Variants in GPC6 observed in about 807,000 individuals in gnomAD.
GPC6 encodes the protein glypican-6.
A neutral mutation model predicts 55.2 loss-of-function variants in GPC6; 14 were observed. That is an observed-to-expected ratio of 0.25 (90% confidence interval 0.17 to 0.40). The LOEUF (loss-of-function observed/expected upper bound fraction) is 0.40, where lower values mean the gene tolerates loss of function less well. Among genes scored for constraint, GPC6 ranks in the 10% least tolerant of loss-of-function variants. GPC6 has a pLI of 1.00. For synonymous variants in GPC6, 278 were observed against 259.6 expected (o/e 1.07, Z -0.68); for missense variants, 641 against 708.5 (o/e 0.90, Z 1.08).
intron 4 of GPC6, among the ~76,000 whole-genome samples, chr13:94,053,978 A>G (rs951235858): frequency 1.3e-5 from 2 of 152,120 alleles, no homozygotes; most frequent in African/African-American, 4.8e-5. Flanking sequence ...AAATTTGGAC[A>G]GGCATGTATT....
intron 1 of GPC6, among the ~76,000 whole-genome samples, chr13:93,252,351 G>A (rs1484092268): frequency 6.6e-6 from 1 of 152,044 alleles, no homozygotes; most frequent in Non-Finnish European, 1.5e-5. Context: ...TTACTTCTAG[G>A]CATTTGCCTT....
chr13:93,962,775 C>T (rs192891085), intron 3 of GPC6, among the ~76,000 whole-genome samples: 10 of 152,214 alleles, frequency 6.6e-5, no homozygotes, highest in African/African-American at 1.2e-4. Flanking sequence ...TAAATATGAT[C>T]GCTTTTTTGC....
chr13:93,878,427 A>T (rs1455716831), intron 3 of GPC6, among the ~76,000 whole-genome samples: 1 of 151,992 alleles, frequency 6.6e-6, no homozygotes, highest in Non-Finnish European at 1.5e-5. Flanking sequence ...TCCAGGCTGG[A>T]GTGCAGTGGC....
At chr13:94,189,651 T>C (rs1433620161) in intron 4 of GPC6, among the ~76,000 whole-genome samples, 5 of 152,192 alleles carry the variant, frequency 3.3e-5, no homozygotes, top group African/African-American at 9.7e-5. Context: ...AATTAAACAA[T>C]TAAAAGAGTA....
intron 2 of GPC6, among the ~76,000 whole-genome samples, chr13:93,733,755 G>C (rs878964619): frequency 6.6e-6 from 1 of 152,010 alleles, no homozygotes; most frequent in Non-Finnish European, 1.5e-5. Context: ...GGCAAGTAAT[G>C]GCAGAAACAC....
chr13:93,475,254 T>C (rs1037942957), intron 1 of GPC6, among the ~76,000 whole-genome samples: 3 of 152,222 alleles, frequency 2.0e-5, no homozygotes, highest in Non-Finnish European at 4.4e-5. Context: ...ATTTAATAAC[T>C]GTAATATAAT....
chr13:93,329,744 G>A (rs1245773733), intron 1 of GPC6, among the ~76,000 whole-genome samples: 5 of 151,904 alleles, frequency 3.3e-5, no homozygotes, highest in Non-Finnish European at 7.4e-5. Context: ...GTGGAAATGA[G>A]TTCCCTAGTG....
At chr13:93,876,638 G>A (rs1392873097) in intron 3 of GPC6, among the ~76,000 whole-genome samples, 1 of 151,878 alleles carries the variant, frequency 6.6e-6, no homozygotes, top group Non-Finnish European at 1.5e-5. Flanking sequence ...GTTGCCCAAA[G>A]GTAATTTTAA....
chr13:93,882,641 G>A (rs1875066128), intron 3 of GPC6, among the ~76,000 whole-genome samples: 1 of 151,872 alleles, frequency 6.6e-6, no homozygotes, highest in Admixed American at 6.6e-5. Context: ...CAAATGCTTA[G>A]AGTTATGTAA....
chr13:94,029,830 C>G (rs1047234771), intron 4 of GPC6, among the ~76,000 whole-genome samples: 1 of 152,144 alleles, frequency 6.6e-6, no homozygotes, highest in East Asian at 1.9e-4. Context: ...AATCCTTATG[C>G]TTTCGATCAA....
chr13:93,370,706 C>G (rs1318538466), intron 1 of GPC6, among the ~76,000 whole-genome samples: 1 of 152,018 alleles, frequency 6.6e-6, no homozygotes, highest in Admixed American at 6.6e-5. Flanking sequence ...GGCAAATTAC[C>G]AGGGATTATG....
At chr13:94,327,933 A>G (rs908568107) in intron 6 of GPC6, among the ~76,000 whole-genome samples, 1 of 152,056 alleles carries the variant, frequency 6.6e-6, no homozygotes, top group Non-Finnish European at 1.5e-5. Context: ...GAGATGGTAA[A>G]CCTGCCTTCT....
At chr13:93,488,625 G>A (rs1429070072) in intron 1 of GPC6, among the ~76,000 whole-genome samples, 2 of 152,138 alleles carry the variant, frequency 1.3e-5, no homozygotes, top group East Asian at 3.9e-4. Flanking sequence ...ATCCTCTCCA[G>A]CACCTGTTGT....
In GPC6 at chr13:93,252,631, T is replaced by C. The variant is rs1214761697; in HGVS notation, c.160+25015T>C. On this transcript the variant is annotated intron_variant, in intron 1 of 8. Coordinates refer to ENST00000377047, the MANE Select transcript of GPC6 (RefSeq NM_005708.5). ...GGTAACTAATCCACTTCTACTCTTATATTTTCTTGTATCATTTAAAATGAG... is the reference window on the plus strand; with the variant it reads ...GGTAACTAATCCACTTCTACTCTTACATTTTCTTGTATCATTTAAAATGAG... Among the ~76,000 whole-genome samples the C allele has an allele frequency of 2.0e-5, 3 of 152,236 alleles. No individual in the cohort carries two copies. In the South Asian group the frequency reaches 6.2e-4, roughly 32 times the overall value.
chr13:94,030,437 G>A (rs1236914667), intron 4 of GPC6, among the ~76,000 whole-genome samples: 1 of 152,066 alleles, frequency 6.6e-6, no homozygotes, highest in Non-Finnish European at 1.5e-5. Flanking sequence ...ATGTGCTCTT[G>A]CTAATACTTG....
chr13:94,371,666 G>A (rs1359878976), intron 6 of GPC6, among the ~76,000 whole-genome samples: 1 of 152,068 alleles, frequency 6.6e-6, no homozygotes, highest in African/African-American at 2.4e-5. Flanking sequence ...GTTGCCATGT[G>A]CCCTGACAAC....
intron 4 of GPC6, among the ~76,000 whole-genome samples, chr13:94,222,273 G>A (rs1296168619): frequency 6.6e-6 from 1 of 152,100 alleles, no homozygotes. Flanking sequence ...GTTTGGAGTT[G>A]TGCCAATTAT....
At chr13:93,624,551 C>T (rs1348282378) in intron 2 of GPC6, among the ~76,000 whole-genome samples, 1 of 152,130 alleles carries the variant, frequency 6.6e-6, no homozygotes, top group Non-Finnish European at 1.5e-5. Context: ...TGTGGTTTTC[C>T]TCTAAAAGTG....
rs11454186 is a variant in GPC6, at chr13:93,354,349, A to ATTTTT, written c.160+126748_160+126752dup. On this transcript the variant is annotated intron_variant, in intron 1 of 8. Transcript: ENST00000377047. ...CAATAAGAAGTGCTTCCGTTGGTAGATTTTTTTTTTTTTTTTTTTGAGACA... is the reference window on the plus strand; with the variant it reads ...CAATAAGAAGTGCTTCCGTTGGTAGATTTTTTTTTTTTTTTTTTTTTTTTGAGACA... Among the ~76,000 whole-genome samples, 280 of 115,784 alleles carry ATTTTT rather than the reference A, an allele frequency of 2.4e-3. 16 individuals carry two copies. The highest frequency in any genetic ancestry group is 7.4e-3 in the East Asian group (23 of 3,126). 76.0% of individuals were successfully genotyped at this position (115,784 alleles called of 152,430 possible).
Sources: allele counts gnomAD v4.1 joint callset (sites outside exome capture counted in the v4.1 genomes callset), GRCh38; gene constraint gnomAD v4.1.1; transcripts MANE v1.5; gene names NCBI Gene and HGNC (gene_info 2026-07-23, HGNC 2026-07-21).